Variants in DLGAP1 observed in about 807,000 individuals in gnomAD.
The protein encoded by DLGAP1 is disks large-associated protein 1.
A neutral mutation model predicts 90.8 loss-of-function variants in DLGAP1; 11 were observed. That is an observed-to-expected ratio of 0.12 (90% CI 0.08 to 0.20). The LOEUF is 0.20. Ranked by LOEUF, DLGAP1 falls within the 10% of genes least tolerant of loss-of-function variation. The pLI, the probability that DLGAP1 is intolerant of heterozygous loss-of-function variation, is 1.00. For missense variants in DLGAP1, 1,050 were observed against 1,333.8 expected (o/e 0.79, Z 3.31); for synonymous variants, 558 against 540.7 (o/e 1.03, Z -0.44).
At chr18:4,430,438 C>G (rs897389926) in intron 1 of DLGAP1, 1 of 150,464 alleles carries the variant, frequency 6.6e-6, no homozygotes, top group African/African-American at 2.4e-5. Flanking sequence ...TTTTTCCAAT[C>G]TGAAAATACA....
intron 5 of DLGAP1, among the ~76,000 whole-genome samples, chr18:3,789,742 C>T (rs544508675): frequency 6.6e-6 from 1 of 152,216 alleles, no homozygotes; most frequent in South Asian, 2.1e-4. Flanking sequence ...AGAAATATCC[C>T]TCGGCTGTGG....
intron 5 of DLGAP1, among the ~76,000 whole-genome samples, chr18:3,769,361 G>T (rs1244423172): frequency 1.3e-5 from 2 of 152,126 alleles, no homozygotes; most frequent in African/African-American, 4.8e-5. Flanking sequence ...ACCTGAATAT[G>T]CAACTACTAT....
intron 11 of DLGAP1, among the ~76,000 whole-genome samples, chr18:3,508,211 A>AT (rs1039191326): frequency 3.3e-5 from 5 of 152,036 alleles, no homozygotes; most frequent in East Asian, 3.8e-4. Context: ...ATCCAAAATG[A>AT]TTTTTTTTGG....
intron 7 of DLGAP1, among the ~76,000 whole-genome samples, chr18:3,666,577 C>T (rs184287390): frequency 7.0e-4 from 107 of 152,306 alleles, no homozygotes; most frequent in African/African-American, 2.4e-3. Context: ...AACACAGGAT[C>T]AGAGAATGCA....
intron 8 of DLGAP1, among the ~76,000 whole-genome samples, chr18:3,576,870 T>G (rs1347483789): frequency 6.9e-6 from 1 of 145,706 alleles, no homozygotes. Context: ...CCGGCCTTTT[T>G]TTTTTTCTTG....
intron 7 of DLGAP1, chr18:3,654,670 T>C (rs1482410317): frequency 1.3e-5 from 2 of 152,176 alleles, no homozygotes; most frequent in Admixed American, 6.5e-5. Context: ...ATGGTGCTGC[T>C]TGATTTTGTT....
chr18:3,965,657 T>C (rs2073310447), intron 3 of DLGAP1, among the ~76,000 whole-genome samples: 1 of 152,022 alleles, frequency 6.6e-6, no homozygotes, highest in Non-Finnish European at 1.5e-5. Context: ...TTCTAAATAA[T>C]AGAGTACAGG....
intron 5 of DLGAP1, among the ~76,000 whole-genome samples, chr18:3,794,593 G>A (rs1453084792): frequency 3.9e-5 from 6 of 152,192 alleles, no homozygotes; most frequent in African/African-American, 9.7e-5. Context: ...TCTCACACTC[G>A]GGGCTTTTGT....
chr18:3,709,336 G>T (rs1007659972), intron 7 of DLGAP1, among the ~76,000 whole-genome samples: 3 of 152,178 alleles, frequency 2.0e-5, no homozygotes, highest in Non-Finnish European at 4.4e-5. Flanking sequence ...TAAGACTGAA[G>T]AATGTATTTT....
At chr18:3,613,838 T>G (rs1215629999) in intron 7 of DLGAP1, among the ~76,000 whole-genome samples, 1 of 152,208 alleles carries the variant, frequency 6.6e-6, no homozygotes, top group Non-Finnish European at 1.5e-5. Context: ...TATTAAAGAC[T>G]TAAAATATGT....
intron 7 of DLGAP1, among the ~76,000 whole-genome samples, chr18:3,587,375 G>C (rs1056988801): frequency 1.3e-5 from 2 of 152,184 alleles, no homozygotes; most frequent in Non-Finnish European, 2.9e-5. Flanking sequence ...GGTGAAGCCA[G>C]CTGGACTTCC....
At chr18:3,969,483 G>C (rs1353141779) in intron 3 of DLGAP1, among the ~76,000 whole-genome samples, 4 of 152,148 alleles carry the variant, frequency 2.6e-5, no homozygotes, top group African/African-American at 9.7e-5. Flanking sequence ...AAAGAGAAAA[G>C]GGTGCTTGTT....
At chr18:3,722,619 C>T (rs185466531) in intron 7 of DLGAP1, 2 of 152,236 alleles carry the variant, frequency 1.3e-5, no homozygotes, top group East Asian at 3.9e-4. Context: ...GACAAGGAAC[C>T]AGTCCAGGCA....
chr18:3,662,918 G>T (rs2059736414), intron 7 of DLGAP1, among the ~76,000 whole-genome samples: 2 of 152,182 alleles, frequency 1.3e-5, no homozygotes, highest in Admixed American at 1.3e-4. Flanking sequence ...GAGAGAAATT[G>T]TATAAGACAA....
chr18:4,419,164 AC>A (rs1325842328), intron 1 of DLGAP1, among the ~76,000 whole-genome samples: 8 of 152,186 alleles, frequency 5.3e-5, no homozygotes, highest in East Asian at 1.9e-4. Flanking sequence ...CACACCCAAG[AC>A]TGGGCAAATT....
At position 4,068,057 on chromosome 18, in the gene DLGAP1, T is replaced by C. The variant is rs573176862; in HGVS notation, c.-158-62856A>G. Among the ~76,000 whole-genome samples the C allele has an allele frequency of 5.9e-4, 90 of 152,172 alleles. No individual in the cohort carries two copies. The Middle Eastern group carries it at 0.01, about 17-fold the overall frequency. The stretch of plus-strand genomic sequence containing the variant: ...ACATAATATGTATTACACTTATATA[T>C]ATAAAATGATCAAAGCACACCCTCC... On this transcript the variant is annotated intron_variant, in intron 2 of 12. Transcript: ENST00000315677.
At chr18:3,988,005 A>G (rs543991269) in intron 3 of DLGAP1, among the ~76,000 whole-genome samples, 1 of 152,026 alleles carries the variant, frequency 6.6e-6, no homozygotes, top group African/African-American at 2.4e-5. Flanking sequence ...TGTGCACTTT[A>G]TTTCTATTAT....
At chr18:4,214,447 C>T (rs1484354283) in intron 1 of DLGAP1, among the ~76,000 whole-genome samples, 1 of 151,888 alleles carries the variant, frequency 6.6e-6, no homozygotes, top group African/African-American at 2.4e-5. Context: ...TGGAATTGTG[C>T]TAGGCACACA....
intron 2 of DLGAP1, among the ~76,000 whole-genome samples, chr18:4,115,578 G>A (rs192094710): frequency 3.3e-5 from 5 of 151,794 alleles, no homozygotes; most frequent in African/African-American, 9.7e-5. Context: ...CTCTGCCTCC[G>A]GGGTTCACGC....
Sources: allele counts gnomAD v4.1 joint callset (sites outside exome capture counted in the v4.1 genomes callset), GRCh38; gene constraint gnomAD v4.1.1; transcripts MANE v1.5; gene names NCBI Gene and HGNC (gene_info 2026-07-23, HGNC 2026-07-21).